The following PCDHGA11 variants were observed in gnomAD, a reference collection of about 807,000 sequenced individuals.
The protein encoded by PCDHGA11 is protocadherin gamma-A11.
A neutral mutation model predicts 60.4 loss-of-function variants in PCDHGA11; 39 were observed. That is an observed-to-expected ratio of 0.65 (90% CI 0.50 to 0.84). The LOEUF is 0.84. PCDHGA11 is among the 40% of genes least tolerant of loss of function. The pLI, the probability that PCDHGA11 is intolerant of heterozygous loss-of-function variation, is 0.00. For missense variants in PCDHGA11, 1,165 were observed against 1,197.7 expected, an observed-to-expected ratio of 0.97 and a Z score of 0.40; for synonymous variants, 533 against 510.3, an observed-to-expected ratio of 1.04 and a Z score of -0.60.
At chr5:141,462,459 C>T (rs190781980) in intron 1 of PCDHGA11, among the ~76,000 whole-genome samples, 11 of 152,128 alleles carry the variant, frequency 7.2e-5, no homozygotes, top group Admixed American at 2.6e-4. Flanking sequence ...TAACTGAAAA[C>T]TGTGTATTCT....
At position 141,489,800 on chromosome 5, in the gene PCDHGA11, A is replaced by T. The variant is rs2099692478; in HGVS notation, c.2434-5007A>T. 1 of 1,614,166 alleles carries T rather than the reference A, an allele frequency of 6.2e-7. No homozygotes were observed. Among genetic ancestry groups the T allele is most frequent in the Non-Finnish European group, 8.5e-7 (1 of 1,179,994 alleles). On this transcript the variant is annotated intron_variant, in intron 1 of 3. Coordinates refer to ENST00000398587, the MANE Select transcript of PCDHGA11 (RefSeq NM_018914.3). This position sits in a 1 kb window ranked among gnomAD's most constrained non-coding sequence, Gnocchi z 4.5. ...TCTCTGAATGTGAAGACCCTAAAAG[A>T]TGGGAAGCCATTCCCAGAGCTGGTG...
In PCDHGA11 at chr5:141,486,288, T is replaced by G. The variant is rs1181533037; in HGVS notation, c.2434-8519T>G. ...GAACCTGGCACTGTGGTGGCACTTA[T>G]CAGTGTGCAGGATCCAGACTCAGGG... On this transcript the variant is annotated intron_variant, in intron 1 of 3. Transcript: ENST00000398587. This position sits in a 1 kb window ranked among gnomAD's most constrained non-coding sequence, Gnocchi z 5.0. The G allele has an allele frequency of 6.2e-7, 1 of 1,613,996 alleles. No individual in the cohort carries two copies. The highest frequency in any genetic ancestry group is 1.7e-5 in the Admixed American group (1 of 60,000).
chr5:141,477,642 A>G lies in PCDHGA11; in HGVS notation c.2434-17165A>G, dbSNP rs767152121. On this transcript the variant is annotated intron_variant, in intron 1 of 3. Transcript: ENST00000398587. The surrounding 1 kb of genome is among the most constrained non-coding windows in gnomAD (Gnocchi z 4.9). ...GCTGAAACCGGGCTAGTGGGTCGCT[A>G]TTTCACAATAAATCGTGACAATGGC... 9 of 1,614,136 alleles carry G rather than the reference A, an allele frequency of 5.6e-6. No individual in the cohort carries two copies. Among genetic ancestry groups the G allele is most frequent in the Non-Finnish European group, 7.6e-6 (9 of 1,180,022 alleles).
Position 141,477,256 on chromosome 5 carries a change from T to G in PCDHGA11, c.2434-17551T>G. 2 of 1,614,210 alleles carry G rather than the reference T, an allele frequency of 1.2e-6. No homozygotes were observed. The highest frequency in any genetic ancestry group is 1.7e-6 in the Non-Finnish European group (2 of 1,180,038). On this transcript the variant is annotated intron_variant, in intron 1 of 3. Coordinates refer to ENST00000398587, the MANE Select transcript of PCDHGA11 (RefSeq NM_018914.3). This position sits in a 1 kb window ranked among gnomAD's most constrained non-coding sequence, Gnocchi z 4.9. Reference sequence around the variant, plus strand: ...CTTTGCTCAGTGTGACTGACCTGGATGCTGGCGAGAACGGGCTGGTGACCT... The same window carrying G: ...CTTTGCTCAGTGTGACTGACCTGGAGGCTGGCGAGAACGGGCTGGTGACCT...
rs1228384684 is a variant in PCDHGA11 at position 141,432,189 on chromosome 5, A to G, written c.2433+8529A>G. On this transcript the variant is annotated intron_variant, in intron 1 of 3. Coordinates refer to ENST00000398587, the MANE Select transcript of PCDHGA11 (RefSeq NM_018914.3). This position sits in a 1 kb window ranked among gnomAD's most constrained non-coding sequence, Gnocchi z 6.0. The stretch of plus-strand genomic sequence containing the variant: ...GTTTCCCTCGTCTCTGTGACCGCCC[A>G]CGACCCCGACTGTGAAGAGAACGCC... 6.2e-6 allele frequency: 10 copies of G among 1,613,964 alleles called. No homozygotes were observed. Among genetic ancestry groups the G allele is most frequent in the African/African-American group, 1.3e-5 (1 of 74,878 alleles).
chr5:141,422,723 G>A lies in PCDHGA11; in HGVS notation c.1496G>A (p.Gly499Glu). The stretch of plus-strand genomic sequence containing the variant: ...TCTCTGACGGATGACACTGTCCAGG[G>A]GGTGCCTCTGTCCTCCTATGTCTCT... ...TYSLTDDTVQ[G>E]VPLSSYVSIN... is the part of the protein sequence containing the mutation. The change falls in exon 1 of 4, where the codon GGG becomes GAG. Residue 499 changes from glycine to glutamate, a missense_variant. By Grantham distance (98) the Gly-to-Glu change is moderately conservative (BLOSUM62 -2). Coordinates refer to ENST00000398587, the MANE Select transcript of PCDHGA11 (RefSeq NM_018914.3). The A allele has an allele frequency of 1.2e-6, 2 of 1,605,958 alleles. No homozygotes were observed. The highest frequency in any genetic ancestry group is 1.7e-6 in the Non-Finnish European group (2 of 1,175,478).
At chr5:141,505,536 C>T (rs749205049) in intron 3 of PCDHGA11, 55 bp downstream of exon 3, 9 of 1,610,164 alleles carry the variant, frequency 5.6e-6, no homozygotes, top group Non-Finnish European at 7.6e-6. Context: ...TTCTGGGGTG[C>T]ATCTCACAGC....
Position 141,422,592 on chromosome 5 carries a change from C to T in PCDHGA11, c.1365C>T (p.His455=), listed in dbSNP as rs2096658264. 1 of 1,614,090 alleles carries T rather than the reference C, an allele frequency of 6.2e-7. No individual in the cohort carries two copies. ...ACGATAACCCTCCCGTTTTTCCTCA[C>T]TCCTCTTACTCTGCCTACATTCCCG... ...DDNDNPPVFP[H]SSYSAYIPEN... is the part of the protein sequence containing the mutation. Residue 455 remains histidine, a synonymous_variant, in exon 1 of 4, where the codon CAC becomes CAT. Transcript: ENST00000398587.
In PCDHGA11 at chr5:141,491,424, G is replaced by A. The variant is rs745755214; in HGVS notation, c.2434-3383G>A. The A allele has an allele frequency of 6.2e-7, 1 of 1,614,092 alleles. No individual in the cohort carries two copies. Among genetic ancestry groups the A allele is most frequent in the Non-Finnish European group, 8.5e-7 (1 of 1,180,028 alleles). ...ACGCAGACGGGGACGGGGGTGGAGG[G>A]CAGTGCTGCAGGCGCCAGGACTCAC... On this transcript the variant is annotated intron_variant, in intron 1 of 3. Coordinates refer to ENST00000398587, the MANE Select transcript of PCDHGA11 (RefSeq NM_018914.3). The surrounding 1 kb of genome is among the most constrained non-coding windows in gnomAD (Gnocchi z 6.9).
Position 141,422,908 on chromosome 5 carries a change from C to T in PCDHGA11, c.1681C>T (p.Pro561Ser), listed in dbSNP as rs1340882515. The T allele has an allele frequency of 2.5e-6, 4 of 1,614,126 alleles. No individual in the cohort carries two copies. The highest frequency in any genetic ancestry group is 3.4e-6 in the Non-Finnish European group (4 of 1,180,056). The stretch of plus-strand genomic sequence containing the variant: ...CGTGCTGGACCAGAACGACAATGCG[C>T]CCGAGATCCTGTACCCTGCCCTCCC... Reference protein sequence around the residue: ...LFVLDQNDNAPEILYPALPTD... With the variant: ...LFVLDQNDNASEILYPALPTD... The change falls in exon 1 of 4, where the codon CCC (proline) becomes TCC (serine). Residue 561 changes from proline (P) to serine (S), a missense_variant. Transcript: ENST00000398587.
chr5:141,431,774 G>T lies in PCDHGA11; in HGVS notation c.2433+8114G>T. Reference sequence around the variant, plus strand: ...AGCCAAAGTCCTGATCACTGTTCTGGACGTGAACGACAATGCCCCAGAAGT... The same window carrying T: ...AGCCAAAGTCCTGATCACTGTTCTGTACGTGAACGACAATGCCCCAGAAGT... On this transcript the variant is annotated intron_variant, in intron 1 of 3. Transcript: ENST00000398587. This position sits in a 1 kb window ranked among gnomAD's most constrained non-coding sequence, Gnocchi z 4.8. 5 of 1,614,204 alleles carry T rather than the reference G, an allele frequency of 3.1e-6. No individual in the cohort carries two copies. The highest frequency in any genetic ancestry group is 4.2e-6 in the Non-Finnish European group (5 of 1,180,038).
intron 2 of PCDHGA11, among the ~76,000 whole-genome samples, chr5:141,503,393 G>A (rs954734829): frequency 2.0e-5 from 3 of 151,824 alleles, no homozygotes; most frequent in African/African-American, 4.8e-5. Flanking sequence ...TCAGGAGTTC[G>A]AAACCAACCT....
chr5:141,472,324 G>A (rs1027842697), intron 1 of PCDHGA11, among the ~76,000 whole-genome samples: 2 of 150,650 alleles, frequency 1.3e-5, no homozygotes, highest in African/African-American at 2.4e-5. Flanking sequence ...GGCAGATCAC[G>A]AGGTTGGGAG....
At position 141,431,260 on chromosome 5, in the gene PCDHGA11, G is replaced by A. The variant is rs762250032; in HGVS notation, c.2433+7600G>A. The A allele has an allele frequency of 6.2e-7, 1 of 1,614,170 alleles. No individual in the cohort carries two copies. The highest frequency in any genetic ancestry group is 2.2e-5 in the East Asian group (1 of 44,892). On this transcript the variant is annotated intron_variant, in intron 1 of 3. Coordinates refer to ENST00000398587, the MANE Select transcript of PCDHGA11 (RefSeq NM_018914.3). The surrounding 1 kb of genome is among the most constrained non-coding windows in gnomAD (Gnocchi z 4.8). The stretch of plus-strand genomic sequence containing the variant: ...ATCCGGATATCGGGAAGAACTCTCT[G>A]CAGAGCTACGAGCTCAGCCCGAACA...
rs1256615029 is a variant in PCDHGA11 at position 141,512,740 on chromosome 5, C to T, written c.*1567C>T. ...GCGGGTGGGCAGCGGGCGGCGGGCT[C>T]CGCGCAGCCGTCTGTCCTTGATCTG... On this transcript the variant is annotated 3_prime_UTR_variant, in exon 4 of 4. Transcript: ENST00000398587. 1 of 152,788 alleles carries T rather than the reference C, an allele frequency of 6.5e-6. No individual in the cohort carries two copies. The highest frequency in any genetic ancestry group is 1.5e-5 in the Non-Finnish European group (1 of 68,570). The allele number at this position is 152,788 out of a possible 1,614,324, so 9.5% of individuals were successfully genotyped here.
chr5:141,423,023 C>G lies in PCDHGA11; in HGVS notation c.1796C>G (p.Ser599Ter), dbSNP rs1410040994. ...VTKVVAVDKD[S>*]GQNAWLSYRL... ...AAGGTGGTTGCGGTGGACAAAGATT[C>G]AGGCCAGAACGCCTGGCTGTCCTAT... Residue 599 changes from serine (S) to a stop codon, truncating the protein, a stop_gained, in exon 1 of 4, where the codon TCA becomes TGA. Transcript: ENST00000398587. LOFTEE classifies it high-confidence loss of function. The G allele has an allele frequency of 6.2e-7, 1 of 1,614,222 alleles. No individual in the cohort carries two copies. The highest frequency in any genetic ancestry group is 8.5e-7 in the Non-Finnish European group (1 of 1,180,040).
chr5:141,468,528 G>A (rs2154569956), intron 1 of PCDHGA11: 1 of 152,056 alleles, frequency 6.6e-6, no homozygotes, highest in South Asian at 2.1e-4. Context: ...TTTTTTGCAG[G>A]TAGTTTCCTG....
At chr5:141,507,432 C>T (rs2099860585) in intron 3 of PCDHGA11, 1 of 152,198 alleles carries the variant, frequency 6.6e-6, no homozygotes. Flanking sequence ...GGGGCCAGGC[C>T]TACAGCTGAC....
chr5:141,492,740 C>T (rs1364102818), intron 1 of PCDHGA11, among the ~76,000 whole-genome samples: 1 of 152,238 alleles, frequency 6.6e-6, no homozygotes, highest in African/African-American at 2.4e-5. Context: ...GCCCAGTGGC[C>T]GAGGCGCGGC....
Sources: allele counts gnomAD v4.1 joint callset (sites outside exome capture counted in the v4.1 genomes callset), GRCh38; gene constraint gnomAD v4.1.1; non-coding constraint Gnocchi (gnomAD v3.1); transcripts MANE v1.5; gene names NCBI Gene and HGNC (gene_info 2026-07-23, HGNC 2026-07-21).